The following PTK2B variants were observed in gnomAD, a reference collection of about 807,000 sequenced individuals.
PTK2B encodes protein-tyrosine kinase 2-beta.
Under a neutral mutation model 142.9 loss-of-function variants are expected in PTK2B, and 71 were observed. The ratio of observed to expected loss-of-function variants is 0.50; its 90% confidence interval spans 0.41 to 0.61. PTK2B has a LOEUF of 0.61. PTK2B is among the 20% of genes least tolerant of loss of function. The probability of loss-of-function intolerance (pLI) is 0.00; values close to 1 mark genes in which losing one functional copy is unlikely to be tolerated. For missense variants in PTK2B, 1,105 were observed against 1,320.4 expected, an observed-to-expected ratio of 0.84 and a Z score of 2.53; for synonymous variants, 519 against 503.4, an observed-to-expected ratio of 1.03 and a Z score of -0.42.
intron 1 of PTK2B, among the ~76,000 whole-genome samples, chr8:27,344,294 A>C (rs1009541924): frequency 6.6e-6 from 1 of 152,174 alleles, no homozygotes; most frequent in Non-Finnish European, 1.5e-5. Flanking sequence ...GTTTGCACAC[A>C]ATTATTCACA....
At chr8:27,393,801 G>C (rs1807869780) in intron 1 of PTK2B, among the ~76,000 whole-genome samples, 1 of 152,046 alleles carries the variant, frequency 6.6e-6, no homozygotes, top group Non-Finnish European at 1.5e-5. Flanking sequence ...ACCCCCCAGA[G>C]TGGCGCATTT....
intron 1 of PTK2B, among the ~76,000 whole-genome samples, chr8:27,333,746 T>G (rs1026233061): frequency 2.0e-5 from 3 of 151,982 alleles, no homozygotes; most frequent in Admixed American, 6.6e-5. Flanking sequence ...TCAACCTCTA[T>G]CTGGCAGCAC....
At chr8:27,316,489 T>C (rs1175846119) in intron 3 of PTK2B, among the ~76,000 whole-genome samples, 1 of 152,180 alleles carries the variant, frequency 6.6e-6, no homozygotes, top group Non-Finnish European at 1.5e-5. Flanking sequence ...ACAAAGCTGG[T>C]TTGACTATGT....
intron 2 of PTK2B, among the ~76,000 whole-genome samples, chr8:27,406,995 C>A (rs1166751246): frequency 6.6e-6 from 1 of 152,164 alleles, no homozygotes; most frequent in Admixed American, 6.5e-5. Context: ...CCCAACTGAT[C>A]TTTATTGTTC....
At chr8:27,440,725 T>C (rs554077121) in intron 21 of PTK2B, among the ~76,000 whole-genome samples, 1 of 152,334 alleles carries the variant, frequency 6.6e-6, no homozygotes, top group Non-Finnish European at 1.5e-5. Context: ...TGAGCCAGAC[T>C]CTCATCGAAG....
intron 1 of PTK2B, among the ~76,000 whole-genome samples, chr8:27,333,229 G>A (rs1467047027): frequency 6.6e-6 from 1 of 152,212 alleles, no homozygotes; most frequent in East Asian, 1.9e-4. Context: ...GGAACCAAGA[G>A]TGGCAAAAGG....
intron 1 of PTK2B, among the ~76,000 whole-genome samples, chr8:27,361,965 ACT>A (rs1805736230): frequency 6.6e-6 from 1 of 151,944 alleles, no homozygotes; most frequent in African/African-American, 2.4e-5. Flanking sequence ...AGACAAGCAC[ACT>A]CTATGTGTTC....
At chr8:27,356,374 A>G (rs945512041) in intron 1 of PTK2B, among the ~76,000 whole-genome samples, 1 of 152,234 alleles carries the variant, frequency 6.6e-6, no homozygotes, top group Non-Finnish European at 1.5e-5. Flanking sequence ...GGCCAGGGAG[A>G]TGGTTATCAA....
intron 30 of PTK2B, among the ~76,000 whole-genome samples, 161 bp from the exon 31 acceptor site, chr8:27,458,133 C>A (rs1333744311): frequency 6.6e-6 from 1 of 152,152 alleles, no homozygotes; most frequent in Admixed American, 6.5e-5. Flanking sequence ...TGACTCGACC[C>A]TGCACGGGGT....
Position 27,417,990 on chromosome 8 carries a change from T to C in PTK2B, c.205-1905T>C, listed in dbSNP as rs555026465. On this transcript the variant is annotated intron_variant, in intron 2 of 30. Transcript: ENST00000346049. ...ATGGGTAGAGAGGATGACAAAATGG[T>C]TAACTTCACGGGCTTGCACTCCTCC... Among the ~76,000 whole-genome samples, 12 of 152,204 alleles carry C rather than the reference T, an allele frequency of 7.9e-5. No individual in the cohort carries two copies. In the South Asian group the frequency reaches 2.5e-3, roughly 32 times the overall value.
intron 3 of PTK2B, among the ~76,000 whole-genome samples, chr8:27,318,700 G>A (rs1803144028): frequency 6.6e-6 from 1 of 152,188 alleles, no homozygotes; most frequent in Non-Finnish European, 1.5e-5. Flanking sequence ...GCCCAGGCTG[G>A]AGTATAGTGG....
Position 27,450,779 on chromosome 8 carries a change from G to GA in PTK2B, c.2373dup (p.Glu792ArgfsTer9), listed in dbSNP as rs758730997. 6.2e-7 allele frequency: 1 copy of GA among 1,614,188 alleles called. No individual in the cohort carries two copies. Among genetic ancestry groups the GA allele is most frequent in the Admixed American group, 1.7e-5 (1 of 60,018 alleles). ...GGACTTCATCCAACCCAGCAGCCGAGAAGAGGCCCAGCAGCTGTGGGAGGC... is the reference window on the plus strand; with the variant it reads ...GGACTTCATCCAACCCAGCAGCCGAGAAAGAGGCCCAGCAGCTGTGGGAGGC... On this transcript the variant is annotated frameshift_variant, in exon 25 of 31. Transcript: ENST00000346049. LOFTEE classifies it high-confidence loss of function.
intron 22 of PTK2B, among the ~76,000 whole-genome samples, chr8:27,443,373 G>A (rs1811278446): frequency 6.6e-6 from 1 of 152,236 alleles, no homozygotes. Flanking sequence ...GGGCCCTGCT[G>A]CCATTAGGTG....
rs1462777010 is a variant in PTK2B at position 27,420,008 on chromosome 8, C to T, written c.318C>T (p.His106=). 6.2e-7 allele frequency: 1 copy of T among 1,614,168 alleles called. No homozygotes were observed. ...AGTCCGATGAGATCCACTGGCTGCA[C>T]CCACAGATGACGGTGGGTGAGGTGC... is the stretch of plus-strand genomic sequence containing the variant. ...HMKSDEIHWL[H]PQMTVGEVQD... The change falls in exon 3 of 31, where the codon CAC becomes CAT. Residue 106 remains histidine, a synonymous_variant. Transcript: ENST00000346049.
At position 27,363,490 on chromosome 8, in the gene PTK2B, G is replaced by C. The variant is rs1017851712; in HGVS notation, c.-37-34058G>C. On this transcript the variant is annotated intron_variant, in intron 1 of 30. Transcript: ENST00000346049. This position sits in a 1 kb window ranked among gnomAD's most constrained non-coding sequence, Gnocchi z 4.3. ...CAGGTTGCAGAAATGTTGAGAGAGT[G>C]AGTTTCTCATCACTAGAAGAATTCA... Among the ~76,000 whole-genome samples, 2 of 152,110 alleles carry C rather than the reference G, an allele frequency of 1.3e-5. No individual in the cohort carries two copies. The highest frequency in any genetic ancestry group is 4.8e-5 in the African/African-American group (2 of 41,412).
chr8:27,413,668 T>C lies in PTK2B; in HGVS notation c.205-6227T>C, dbSNP rs78775528. On this transcript the variant is annotated intron_variant, in intron 2 of 30. Coordinates refer to ENST00000346049, the MANE Select transcript of PTK2B (RefSeq NM_173176.3). ...GCTGCACCACTAGGGACGTAAACCA[T>C]GATGATCGGTTGTTTGTGTCTGCCA... Among the ~76,000 whole-genome samples the C allele has an allele frequency of 3.9e-3, 601 of 152,278 alleles. 5 individuals are homozygous for C. The highest frequency in any genetic ancestry group is 0.013 in the African/African-American group (560 of 41,552).
At chr8:27,445,005 G>C (rs530094810) in intron 23 of PTK2B, among the ~76,000 whole-genome samples, 1 of 152,090 alleles carries the variant, frequency 6.6e-6, no homozygotes, top group African/African-American at 2.4e-5. Context: ...TCCTCTTCAC[G>C]TGAAGAGAAA....
intron 1 of PTK2B, among the ~76,000 whole-genome samples, chr8:27,373,526 A>G (rs1014404919): frequency 3.9e-5 from 6 of 152,028 alleles, no homozygotes; most frequent in Non-Finnish European, 8.8e-5. Flanking sequence ...CCCGACATTT[A>G]AAACTTAGAG....
intron 1 of PTK2B, among the ~76,000 whole-genome samples, chr8:27,388,053 C>T (rs1586213453): frequency 6.6e-6 from 1 of 152,230 alleles, no homozygotes; most frequent in East Asian, 1.9e-4. Flanking sequence ...ATTAAAACAA[C>T]AGTCTGCCAT....
Sources: gnomAD v4.1 joint callset for allele counts (sites outside exome capture counted in the v4.1 genomes callset) on GRCh38, gnomAD v4.1.1 for gene constraint, Gnocchi (gnomAD v3.1) non-coding constraint, MANE v1.5 for transcripts, NCBI Gene and HGNC (gene_info 2026-07-23, HGNC 2026-07-21) for gene names.